Variants in EFCAB7 observed in about 807,000 individuals in gnomAD.
EFCAB7 encodes EF-hand calcium binding domain 7, also known as EF-hand calcium-binding domain-containing protein 7.
A neutral mutation model predicts 77.1 loss-of-function variants in EFCAB7; 66 were observed. That is an observed-to-expected ratio of 0.86 (90% CI 0.70 to 1.05). The LOEUF is 1.05. Ranked by LOEUF, EFCAB7 falls within the 50% of genes least tolerant of loss-of-function variation. The probability of loss-of-function intolerance (pLI) is 0.00; values close to 1 mark genes in which losing one functional copy is unlikely to be tolerated. For synonymous variants in EFCAB7, 225 were observed against 243.3 expected (o/e 0.92, Z 0.70); for missense variants, 638 against 730.5 (o/e 0.87, Z 1.46).
At chr1:63,526,769 A>ATT (rs952440207) in intron 2 of EFCAB7, among the ~76,000 whole-genome samples, 1 of 147,608 alleles carries the variant, frequency 6.8e-6, no homozygotes, top group Non-Finnish European at 1.5e-5. Flanking sequence ...CATCCAATAA[A>ATT]TTTTTTTTTT....
chr1:63,528,307 ATGTT>A (rs1295745227), intron 2 of EFCAB7, among the ~76,000 whole-genome samples: 1 of 152,212 alleles, frequency 6.6e-6, no homozygotes, highest in Non-Finnish European at 1.5e-5. Context: ...GGAGGTCATC[ATGTT>A]AAGTGAAATA....
intron 6 of EFCAB7, among the ~76,000 whole-genome samples, chr1:63,536,308 A>AT (rs1416937980): frequency 6.6e-6 from 1 of 151,982 alleles, no homozygotes; most frequent in East Asian, 1.9e-4. Context: ...TGAAATTATT[A>AT]TTTTTTTAAG....
At chr1:63,575,151 T>C (rs188085137), downstream of EFCAB7, among the ~76,000 whole-genome samples, 3 of 152,272 alleles carry the variant, frequency 2.0e-5, no homozygotes, top group East Asian at 5.8e-4. Context: ...TCACTGTAAC[T>C]CCTTCCAACT....
chr1:63,568,480 C>T lies in EFCAB7; in HGVS notation c.1668C>T (p.Tyr556=), dbSNP rs779155348. ...ATGAAAATATAATCGTGCATACTTACAGTTGTGACACCTGGATAACGTCAG... is the reference window on the plus strand; with the variant it reads ...ATGAAAATATAATCGTGCATACTTATAGTTGTGACACCTGGATAACGTCAG... ...DGYENIIVHT[Y]SCDTWITSVI... The change falls in exon 12 of 14, where the codon TAC becomes TAT. Residue 556 remains tyrosine (Y), a synonymous_variant. Coordinates refer to ENST00000371088, the MANE Select transcript of EFCAB7 (RefSeq NM_032437.4). 2 of 1,596,184 alleles carry T rather than the reference C, an allele frequency of 1.3e-6. No homozygotes were observed. The highest frequency in any genetic ancestry group is 1.7e-6 in the Non-Finnish European group (2 of 1,174,320).
At chr1:63,550,840 GA>G (rs988155541) in intron 7 of EFCAB7, among the ~76,000 whole-genome samples, 2 of 150,172 alleles carry the variant, frequency 1.3e-5, no homozygotes, top group Non-Finnish European at 3.0e-5. Context: ...TGTGAGAAAA[GA>G]AAAGAGTTAA....
chr1:63,560,115 G>A (rs923129360), intron 10 of EFCAB7, among the ~76,000 whole-genome samples: 11 of 151,946 alleles, frequency 7.2e-5, no homozygotes, highest in Admixed American at 3.3e-4. Context: ...ACCACGCCCG[G>A]CTAATTTTTT....
At chr1:63,562,720 G>A (rs1361616784) in intron 11 of EFCAB7, among the ~76,000 whole-genome samples, 1 of 149,578 alleles carries the variant, frequency 6.7e-6, no homozygotes, top group African/African-American at 2.5e-5. Context: ...TTTTACCCAG[G>A]CTAATTTCTA....
intron 1 of EFCAB7, 117 bp from the exon 2 acceptor site, chr1:63,525,455 T>C: frequency 2.6e-6 from 2 of 772,572 alleles, no homozygotes; most frequent in Non-Finnish European, 3.9e-6. Context: ...ATATATGTTA[T>C]AAATTTTCTT....
At chr1:63,578,592 C>T in the EFCAB7 span, among the ~76,000 whole-genome samples, 3 of 152,110 alleles carry the variant, frequency 2.0e-5, no homozygotes. Flanking sequence ...CAGGCGCCCA[C>T]CACCACGCCC....
chr1:63,545,245 C>G lies in EFCAB7; in HGVS notation c.805-671C>G, dbSNP rs545628176. Among the ~76,000 whole-genome samples, 10 of 151,978 alleles carry G rather than the reference C, an allele frequency of 6.6e-5. No homozygotes were observed. The East Asian group carries it at 1.7e-3, about 26-fold the overall frequency. On this transcript the variant is annotated intron_variant, in intron 6 of 13. Coordinates refer to ENST00000371088, the MANE Select transcript of EFCAB7 (RefSeq NM_032437.4). ...TTTATTTTTCTTACTTCTTCTTTAC[C>G]TTATATCTTTTCCTAACTTTTCATT...
At chr1:63,561,909 C>G (rs753739893) in intron 11 of EFCAB7, 52 bp downstream of exon 11, 1 of 1,318,216 alleles carries the variant, frequency 7.6e-7, no homozygotes, top group Admixed American at 2.8e-5. Flanking sequence ...TAATATTTTA[C>G]TTTATGAACA....
chr1:63,539,421 G>T (rs1426875890), intron 6 of EFCAB7, among the ~76,000 whole-genome samples: 1 of 152,090 alleles, frequency 6.6e-6, no homozygotes, highest in Non-Finnish European at 1.5e-5. Flanking sequence ...ATGGAATCCC[G>T]ATTGATAATG....
intron 11 of EFCAB7, 143 bp from the exon 12 acceptor site, chr1:63,568,167 A>G (rs1647190567): frequency 1.9e-5 from 12 of 620,194 alleles, no homozygotes; most frequent in Non-Finnish European, 3.1e-5. Flanking sequence ...TTATTACTCA[A>G]TTCATAGTAC....
chr1:63,551,824 G>A lies in EFCAB7; in HGVS notation c.1046G>A (p.Arg349Gln), dbSNP rs1216510034. Residue 349 changes from arginine to glutamine, a missense_variant, in exon 8 of 14, where the codon CGA becomes CAA. Transcript: ENST00000371088. The part of the protein sequence containing the change: ...NLQLVCFTEL[R>Q]NREVFGWTGE... ...CAGCTTGTGTGTTTTACCGAACTAC[G>A]AAATAGAGAAGTATACATATTTATT... is the stretch of plus-strand genomic sequence containing the variant. 3.1e-5 allele frequency: 49 copies of A among 1,575,156 alleles called. No individual in the cohort carries two copies. Among genetic ancestry groups the A allele is most frequent in the Non-Finnish European group, 3.7e-5 (43 of 1,159,616 alleles).
the EFCAB7 span, among the ~76,000 whole-genome samples, chr1:63,578,195 G>A: frequency 6.6e-6 from 1 of 151,942 alleles, no homozygotes; most frequent in Non-Finnish European, 1.5e-5. Flanking sequence ...AAAGAGGAGA[G>A]GAAATGAAAA....
intron 2 of EFCAB7, among the ~76,000 whole-genome samples, chr1:63,531,012 A>C (rs1020099629): frequency 6.6e-6 from 1 of 152,160 alleles, no homozygotes; most frequent in Non-Finnish European, 1.5e-5. Context: ...GAGACCATTC[A>C]AAAGCCTCTC....
At chr1:63,547,756 G>C (rs1646916900) in intron 7 of EFCAB7, 1 of 152,174 alleles carries the variant, frequency 6.6e-6, no homozygotes, top group Admixed American at 6.5e-5. Flanking sequence ...AATCTTGGCT[G>C]GGTTCTTTCT....
At chr1:63,569,783 C>G (rs961366332) in intron 12 of EFCAB7, 2 of 152,114 alleles carry the variant, frequency 1.3e-5, no homozygotes, top group Admixed American at 1.3e-4. Context: ...AAGCTTGGGT[C>G]CCCACCTAGT....
chr1:63,566,792 A>G (rs1647178124), intron 11 of EFCAB7, among the ~76,000 whole-genome samples: 2 of 151,196 alleles, frequency 1.3e-5, no homozygotes, highest in Admixed American at 6.6e-5. Flanking sequence ...TCATTCTACT[A>G]TTTCTCTTAA....
Sources: allele counts gnomAD v4.1 joint callset (sites outside exome capture counted in the v4.1 genomes callset), GRCh38; gene constraint gnomAD v4.1.1; transcripts MANE v1.5; gene names NCBI Gene and HGNC (gene_info 2026-07-23, HGNC 2026-07-21).